Variants in PKN2 observed in about 807,000 individuals in gnomAD.
PKN2 encodes the protein protein kinase N2, also known as serine/threonine-protein kinase N2.
In PKN2, 38 loss-of-function variants were observed where a neutral mutation model predicts 119.1. The observed-to-expected ratio is 0.32, with a 90% confidence interval of 0.25 to 0.42. PKN2 has a LOEUF of 0.42. PKN2 is among the 10% of genes least tolerant of loss of function. PKN2 has a pLI of 1.00. For synonymous variants in PKN2, 390 were observed against 384.9 expected, an observed-to-expected ratio of 1.01 and a Z score of -0.15; for missense variants, 850 against 1,165.1, an observed-to-expected ratio of 0.73 and a Z score of 3.94.
chr1:88,684,467 G>GGT lies in PKN2; in HGVS notation c.-114_-113insGT. 1 of 655,042 alleles carries GGT rather than the reference G, an allele frequency of 1.5e-6. No homozygotes were observed. Among genetic ancestry groups the GGT allele is most frequent in the Non-Finnish European group, 2.3e-6 (1 of 426,026 alleles). The allele number at this position is 655,042 out of a possible 1,614,324, so 40.6% of individuals were successfully genotyped here. ...GCTGCGCCTCCATGAATCCCTAGTT[G>GGT]TTTTTTTTTTTTTCTTTCTCTCCCC... On this transcript the variant is annotated 5_prime_UTR_variant, in exon 1 of 22. Coordinates refer to ENST00000370521, the MANE Select transcript of PKN2 (RefSeq NM_006256.4).
intron 6 of PKN2, among the ~76,000 whole-genome samples, chr1:88,774,874 A>G (rs1398038675): frequency 2.0e-5 from 3 of 151,924 alleles, no homozygotes; most frequent in African/African-American, 7.3e-5. Flanking sequence ...ACACCTAGCT[A>G]ATTTTTAGTT....
chr1:88,791,781 G>C (rs1471610825), intron 8 of PKN2, among the ~76,000 whole-genome samples: 1 of 152,080 alleles, frequency 6.6e-6, no homozygotes, highest in Admixed American at 6.6e-5. Context: ...GAGTATTGAG[G>C]TAAAGACCTA....
At chr1:88,795,726 G>A (rs767961868) in intron 8 of PKN2, among the ~76,000 whole-genome samples, 1 of 152,214 alleles carries the variant, frequency 6.6e-6, no homozygotes, top group East Asian at 1.9e-4. Flanking sequence ...AGTCAAGTCT[G>A]TCTGAAGCCA....
rs1056722600 is a variant in PKN2, at chr1:88,835,483, T to C, written c.*2035T>C. On this transcript the variant is annotated 3_prime_UTR_variant, in exon 22 of 22. Coordinates refer to ENST00000370521, the MANE Select transcript of PKN2 (RefSeq NM_006256.4). ...AGAATTTTTTTTTAATTGAAGTCAA[T>C]CACTAAAAAAATTAGAAGGCAGGGT... 6.6e-6 allele frequency: 1 copy of C among 152,242 alleles called. No homozygotes were observed. The highest frequency in any genetic ancestry group is 1.5e-5 in the Non-Finnish European group (1 of 67,900). The allele number at this position is 152,242 out of a possible 1,614,324, so 9.4% of individuals were successfully genotyped here. A position where few individuals can be genotyped will look rare whatever the true frequency, so the allele number is the denominator to read the frequency against.
chr1:88,779,136 G>A (rs891600211), intron 6 of PKN2, among the ~76,000 whole-genome samples: 21 of 152,180 alleles, frequency 1.4e-4, no homozygotes, highest in African/African-American at 5.1e-4. Context: ...GATCTTCTCT[G>A]CTCCCTCCTT....
chr1:88,805,019 T>C (rs1442726175), intron 10 of PKN2, 98 bp downstream of exon 10: 25 of 604,054 alleles, frequency 4.1e-5, no homozygotes, highest in Non-Finnish European at 7.0e-5. Context: ...GTTTTTTTGT[T>C]GTTGTTTATT....
chr1:88,719,668 A>T (rs1055542558), intron 1 of PKN2, among the ~76,000 whole-genome samples: 1 of 152,140 alleles, frequency 6.6e-6, no homozygotes, highest in African/African-American at 2.4e-5. Context: ...AAAAAATAAC[A>T]CTCTAGCACA....
chr1:88,695,974 T>G lies in PKN2; in HGVS notation c.48+11346T>G, dbSNP rs760114217. On this transcript the variant is annotated intron_variant, in intron 1 of 21. Coordinates refer to ENST00000370521, the MANE Select transcript of PKN2 (RefSeq NM_006256.4). ...ATGACTTCTGTCTCAGTTATTCTGT[T>G]GAAGTGGTTTTCTTAAAGGTATCAT... Among the ~76,000 whole-genome samples, 49 of 152,222 alleles carry G rather than the reference T, an allele frequency of 3.2e-4. 1 individual carries two copies. The highest frequency in any genetic ancestry group is 4.3e-4 in the Non-Finnish European group (29 of 68,028).
At chr1:88,701,481 T>G (rs1435909386) in intron 1 of PKN2, among the ~76,000 whole-genome samples, 1 of 152,236 alleles carries the variant, frequency 6.6e-6, no homozygotes, top group Non-Finnish European at 1.5e-5. Context: ...AATATGAGAC[T>G]TGCTCAAGGC....
chr1:88,774,259 G>A (rs1461412461), intron 6 of PKN2, among the ~76,000 whole-genome samples: 1 of 152,124 alleles, frequency 6.6e-6, no homozygotes, highest in Non-Finnish European at 1.5e-5. Flanking sequence ...AATTTTCATT[G>A]GGGCTTTGTT....
At chr1:88,739,008 G>A (rs951024655) in intron 1 of PKN2, among the ~76,000 whole-genome samples, 6 of 152,150 alleles carry the variant, frequency 3.9e-5, no homozygotes, top group Non-Finnish European at 7.3e-5. Context: ...TTTGGCTCAG[G>A]TAGAAGATCA....
At chr1:88,825,659 C>T (rs1375685756) in intron 18 of PKN2, among the ~76,000 whole-genome samples, 1 of 152,144 alleles carries the variant, frequency 6.6e-6, no homozygotes, top group Admixed American at 6.5e-5. Context: ...CTTGTTTTGA[C>T]AAGACAGGTA....
chr1:88,807,343 G>A lies in PKN2; in HGVS notation c.1834G>A (p.Asp612Asn), dbSNP rs1325626930. The A allele has an allele frequency of 3.2e-6, 5 of 1,583,752 alleles. No individual in the cohort carries two copies. Among genetic ancestry groups the A allele is most frequent in the Non-Finnish European group, 4.3e-6 (5 of 1,157,130 alleles). Residue 612 changes from aspartate to asparagine, a missense_variant, in exon 13 of 22, where the codon GAC (aspartate) becomes AAC (asparagine). By Grantham distance (23) the Asp-to-Asn change is conservative. Transcript: ENST00000370521. ...DSETVFDIQN[D>N]RNSILPKSQS... ...AGAGACTGTTTTTGATATTCAGAAT[G>A]ACAGAAATAGTATACTTCCAAAATC... is the stretch of plus-strand genomic sequence containing the variant.
chr1:88,824,340 T>C lies in PKN2; in HGVS notation c.2373T>C (p.Asp791=). Residue 791 remains aspartate, a synonymous_variant, in exon 18 of 22, where the codon GAT becomes GAC. Coordinates refer to ENST00000370521, the MANE Select transcript of PKN2 (RefSeq NM_006256.4). The part of the protein sequence containing the change: ...RDLKLDNLLL[D]TEGFVKIADF... ...TGAAATTGGATAACTTATTGCTAGA[T>C]ACAGAGGGCTTTGTGAAAATTGCTG... 1.3e-6 allele frequency: 2 copies of C among 1,599,752 alleles called. No homozygotes were observed. Among genetic ancestry groups the C allele is most frequent in the South Asian group, 1.1e-5 (1 of 90,550 alleles).
At chr1:88,776,721 CAG>C (rs1670123583) in intron 6 of PKN2, among the ~76,000 whole-genome samples, 2 of 150,670 alleles carry the variant, frequency 1.3e-5, no homozygotes, top group African/African-American at 4.9e-5. Flanking sequence ...GCCTGGGTGA[CAG>C]AGTAAGACTC....
At chr1:88,719,351 C>G (rs1030423973) in intron 1 of PKN2, among the ~76,000 whole-genome samples, 1 of 152,100 alleles carries the variant, frequency 6.6e-6, no homozygotes, top group Non-Finnish European at 1.5e-5. Flanking sequence ...CCTTCCAGCT[C>G]GGAGTAACTA....
At chr1:88,799,315 C>T (rs921387154) in intron 8 of PKN2, among the ~76,000 whole-genome samples, 2 of 152,176 alleles carry the variant, frequency 1.3e-5, no homozygotes, top group African/African-American at 4.8e-5. Flanking sequence ...ATTTCTCATC[C>T]TCCCATATGA....
Position 88,833,523 on chromosome 1 carries a change from G to A in PKN2, c.*75G>A, listed in dbSNP as rs966424051. The A allele has an allele frequency of 9.0e-7, 1 of 1,112,694 alleles. No homozygotes were observed. The highest frequency in any genetic ancestry group is 1.3e-6 in the Non-Finnish European group (1 of 743,832). The allele number at this position is 1,112,694 out of a possible 1,614,324, so 68.9% of individuals were successfully genotyped here. The stretch of plus-strand genomic sequence containing the variant: ...AATAGCAACCCTTCATTTGCTCTCT[G>A]TGCCACCAATAGCTTCTGAGTTTTT... On this transcript the variant is annotated 3_prime_UTR_variant, in exon 22 of 22. Coordinates refer to ENST00000370521, the MANE Select transcript of PKN2 (RefSeq NM_006256.4).
At chr1:88,778,383 A>G (rs1416167066) in intron 6 of PKN2, among the ~76,000 whole-genome samples, 1 of 152,190 alleles carries the variant, frequency 6.6e-6, no homozygotes, top group African/African-American at 2.4e-5. Context: ...GTGCTTGAGC[A>G]CTCACCCAGA....
Sources: allele counts gnomAD v4.1 joint callset (sites outside exome capture counted in the v4.1 genomes callset), GRCh38; gene constraint gnomAD v4.1.1; transcripts MANE v1.5; gene names NCBI Gene and HGNC (gene_info 2026-07-23, HGNC 2026-07-21).